Variants in WWOX observed in about 807,000 individuals in gnomAD.
WWOX encodes WW domain-containing oxidoreductase.
WWOX carries 69 observed loss-of-function variants against 46.2 expected under a neutral mutation model. The ratio of observed to expected loss-of-function variants is 1.49; its 90% CI spans 1.23 to 1.82. The LOEUF (loss-of-function observed/expected upper bound fraction) is 1.82. Among genes scored for constraint, WWOX ranks in the 40% most tolerant of loss-of-function variants. WWOX has a pLI of 0.00. For missense variants in WWOX, 919 were observed against 542.6 expected, an observed-to-expected ratio of 1.69 and a Z score of -6.89; for synonymous variants, 359 against 202.6, an observed-to-expected ratio of 1.77 and a Z score of -6.56.
chr16:78,553,956 G>A (rs62033997), intron 8 of WWOX, among the ~76,000 whole-genome samples: 13,721 of 151,996 alleles, frequency 0.09, 845 homozygotes, highest in South Asian at 0.23. Context: ...GTGTCATACA[G>A]CAGAGGGCTG....
intron 8 of WWOX, among the ~76,000 whole-genome samples, chr16:79,153,295 G>A (rs1437434920): frequency 2.0e-5 from 3 of 152,088 alleles, no homozygotes; most frequent in Non-Finnish European, 2.9e-5. Flanking sequence ...AGACTCCCCT[G>A]TACAATTTTT....
intron 8 of WWOX, among the ~76,000 whole-genome samples, chr16:78,549,824 G>GAAACACCATAACA (rs2044133463): frequency 1.3e-5 from 2 of 152,090 alleles, no homozygotes; most frequent in Non-Finnish European, 2.9e-5. Context: ...ACAAACATTT[G>GAAACACCATAACA]TATGGTGTAT....
At chr16:78,468,746 A>G (rs1392764072) in intron 8 of WWOX, among the ~76,000 whole-genome samples, 2 of 152,178 alleles carry the variant, frequency 1.3e-5, no homozygotes, top group African/African-American at 2.4e-5. Flanking sequence ...ACCTCAAAGA[A>G]TTGTAGTTGG....
At chr16:78,157,626 T>C (rs760891738) in intron 4 of WWOX, among the ~76,000 whole-genome samples, 1 of 152,210 alleles carries the variant, frequency 6.6e-6, no homozygotes, top group African/African-American at 2.4e-5. Flanking sequence ...AGTAAGTATT[T>C]TGGAATATGG....
At chr16:78,833,437 C>G (rs887191649) in intron 8 of WWOX, among the ~76,000 whole-genome samples, 9 of 151,962 alleles carry the variant, frequency 5.9e-5, no homozygotes, top group African/African-American at 2.2e-4. Context: ...TCCTCCTCCT[C>G]CTCCTCCTCC....
chr16:78,360,418 C>A (rs905223690), intron 5 of WWOX, among the ~76,000 whole-genome samples: 3 of 151,848 alleles, frequency 2.0e-5, no homozygotes, highest in African/African-American at 7.3e-5. Context: ...AATCCTGTCT[C>A]TACTAAAAAT....
chr16:78,149,886 C>T (rs2034339236), intron 4 of WWOX, among the ~76,000 whole-genome samples: 1 of 152,142 alleles, frequency 6.6e-6, no homozygotes, highest in African/African-American at 2.4e-5. Context: ...CTGTGTCTTC[C>T]TCTTCTCTCA....
chr16:78,602,912 T>G (rs189178777), intron 8 of WWOX, among the ~76,000 whole-genome samples: 41 of 152,302 alleles, frequency 2.7e-4, no homozygotes, highest in Non-Finnish European at 5.3e-4. Context: ...GTCTTCTGCA[T>G]ACACTTTTTA....
At chr16:78,427,393 T>G (rs953594993) in intron 7 of WWOX, among the ~76,000 whole-genome samples, 5 of 152,284 alleles carry the variant, frequency 3.3e-5, no homozygotes, top group African/African-American at 7.2e-5. Flanking sequence ...GAAGTTGACT[T>G]CTTTGCTGTG....
chr16:78,159,112 T>C (rs1481079060), intron 4 of WWOX, among the ~76,000 whole-genome samples: 1 of 152,130 alleles, frequency 6.6e-6, no homozygotes, highest in Non-Finnish European at 1.5e-5. Flanking sequence ...AGAATTTCCT[T>C]CATTCCTAAG....
intron 8 of WWOX, among the ~76,000 whole-genome samples, chr16:78,880,973 G>A (rs945644229): frequency 2.0e-5 from 3 of 147,950 alleles, no homozygotes; most frequent in African/African-American, 7.5e-5. Flanking sequence ...GTCCCCTAAA[G>A]CTTCTGGTAA....
chr16:78,801,768 T>G (rs538943520), intron 8 of WWOX, among the ~76,000 whole-genome samples: 5 of 152,338 alleles, frequency 3.3e-5, no homozygotes, highest in Admixed American at 1.3e-4. Context: ...TGATGACATT[T>G]CAGTTTCAGA....
intron 4 of WWOX, among the ~76,000 whole-genome samples, chr16:78,126,800 C>G (rs900219917): frequency 6.6e-6 from 1 of 152,158 alleles, no homozygotes; most frequent in African/African-American, 2.4e-5. Flanking sequence ...CCCCAAAAAA[C>G]TTAAACTTGT....
intron 8 of WWOX, among the ~76,000 whole-genome samples, chr16:78,461,292 A>G (rs954723781): frequency 1.3e-5 from 2 of 152,330 alleles, no homozygotes; most frequent in Admixed American, 6.5e-5. Flanking sequence ...ATTCTGAGTC[A>G]TCGTCTGCTG....
chr16:78,353,117 A>C (rs372290414), intron 5 of WWOX, among the ~76,000 whole-genome samples: 3 of 152,226 alleles, frequency 2.0e-5, no homozygotes, highest in East Asian at 3.9e-4. Context: ...TGATCTTTCT[A>C]TTTGTGGTCC....
chr16:78,668,047 G>A (rs937036553), intron 8 of WWOX, among the ~76,000 whole-genome samples: 8 of 152,254 alleles, frequency 5.3e-5, no homozygotes, highest in African/African-American at 1.9e-4. Flanking sequence ...GAGAGGCCGA[G>A]GCGGGTGGAT....
chr16:78,345,244 C>T (rs938587330), intron 5 of WWOX, among the ~76,000 whole-genome samples: 3 of 114,904 alleles, frequency 2.6e-5, no homozygotes, highest in South Asian at 2.7e-4. Flanking sequence ...CTCTGGACAT[C>T]GTATTCCTCA....
At position 79,017,816 on chromosome 16, in the gene WWOX, C is replaced by T. The variant is rs1046828535; in HGVS notation, c.1057-193792C>T. On this transcript the variant is annotated intron_variant, in intron 8 of 8. Coordinates refer to ENST00000566780, the MANE Select transcript of WWOX (RefSeq NM_016373.4). ...ATTTGCATAACAAATTACAGATTAT[C>T]CAGAACAGGTGGGCTGTACATAAAC... Among the ~76,000 whole-genome samples, 4 of 151,962 alleles carry T rather than the reference C, an allele frequency of 2.6e-5. No individual in the cohort carries two copies. In the East Asian group the frequency reaches 7.7e-4, roughly 29 times the overall value.
intron 8 of WWOX, among the ~76,000 whole-genome samples, chr16:78,450,165 T>C (rs2083659500): frequency 6.6e-6 from 1 of 152,184 alleles, no homozygotes; most frequent in Admixed American, 6.5e-5. Flanking sequence ...TTTAGCAAAA[T>C]TCAAATTTCC....
Sources: allele counts gnomAD v4.1 joint callset (sites outside exome capture counted in the v4.1 genomes callset), GRCh38; gene constraint gnomAD v4.1.1; transcripts MANE v1.5; gene names NCBI Gene and HGNC (gene_info 2026-07-23, HGNC 2026-07-21).